Variants in SMYD3 observed in about 807,000 individuals in gnomAD.
SMYD3 encodes histone-lysine N-methyltransferase SMYD3.
SMYD3 carries 36 observed loss-of-function variants against 57.7 expected under a neutral mutation model. The ratio of observed to expected loss-of-function variants is 0.62; its 90% CI spans 0.48 to 0.82. The LOEUF (loss-of-function observed/expected upper bound fraction) is 0.82, where lower values mean the gene tolerates loss of function less well. Among genes scored for constraint, SMYD3 ranks in the 40% least tolerant of loss-of-function variants. SMYD3 has a pLI of 0.00. For synonymous variants in SMYD3, 211 were observed against 195.0 expected (o/e 1.08, Z -0.68); for missense variants, 515 against 538.8 (o/e 0.96, Z 0.44).
chr1:245,970,617 AC>A (rs1370433287), intron 5 of SMYD3, among the ~76,000 whole-genome samples: 12 of 152,194 alleles, frequency 7.9e-5, no homozygotes, highest in Admixed American at 3.3e-4. Flanking sequence ...AAGAAAAAAA[AC>A]AACCCCATCA....
chr1:246,326,542 G>A (rs2065353863), intron 5 of SMYD3: 1 of 507,936 alleles, frequency 2.0e-6, no homozygotes, highest in South Asian at 3.2e-5. Context: ...GGGAGGCCGA[G>A]GCGGGTGGAT....
chr1:246,456,398 C>T (rs2067700590), intron 1 of SMYD3, among the ~76,000 whole-genome samples: 1 of 152,172 alleles, frequency 6.6e-6, no homozygotes, highest in Admixed American at 6.5e-5. Flanking sequence ...CACACAAGGT[C>T]GAGACCCACT....
chr1:246,231,645 T>C (rs967421583), intron 5 of SMYD3, among the ~76,000 whole-genome samples: 1 of 152,204 alleles, frequency 6.6e-6, no homozygotes, highest in Non-Finnish European at 1.5e-5. Flanking sequence ...ATCCTAGAGA[T>C]AGTATCTCTT....
chr1:245,755,492 C>T (rs1040377479), intron 11 of SMYD3, among the ~76,000 whole-genome samples: 1 of 152,140 alleles, frequency 6.6e-6, no homozygotes, highest in Non-Finnish European at 1.5e-5. Flanking sequence ...CTGATGTTCC[C>T]AGCTGTGCTT....
At chr1:245,788,867 A>G (rs2047153421) in intron 10 of SMYD3, 1 of 152,204 alleles carries the variant, frequency 6.6e-6, no homozygotes, top group African/African-American at 2.4e-5. Flanking sequence ...TTACTCAGTT[A>G]CTTATGACTC....
chr1:245,917,423 T>C (rs1354834112), intron 7 of SMYD3, among the ~76,000 whole-genome samples: 1 of 152,220 alleles, frequency 6.6e-6, no homozygotes, highest in East Asian at 1.9e-4. Context: ...TCGTCATAGG[T>C]AGAGAAGCAA....
intron 8 of SMYD3, among the ~76,000 whole-genome samples, chr1:245,905,242 C>A (rs1448101483): frequency 6.6e-6 from 1 of 152,004 alleles, no homozygotes; most frequent in Admixed American, 6.5e-5. Context: ...GACTCAACTA[C>A]CAACATCTTA....
At chr1:246,371,586 TAC>T (rs1191238532) in intron 1 of SMYD3, among the ~76,000 whole-genome samples, 1 of 152,174 alleles carries the variant, frequency 6.6e-6, no homozygotes, top group East Asian at 1.9e-4. Context: ...TCACAGTAAA[TAC>T]ATTTTTAAAA....
In SMYD3 at chr1:246,238,976, T is replaced by G. The variant is rs1166233638; in HGVS notation, c.531+88225A>C. Reference sequence around the variant, plus strand: ...GACGAACTGTGCAAGTAGAGATGCCTGATGAGCGTCACACAACGTTTTCGG... The same window carrying G: ...GACGAACTGTGCAAGTAGAGATGCCGGATGAGCGTCACACAACGTTTTCGG... On this transcript the variant is annotated intron_variant, in intron 5 of 11. Coordinates refer to ENST00000490107, the MANE Select transcript of SMYD3 (RefSeq NM_001167740.2). Among the ~76,000 whole-genome samples, 3 of 151,216 alleles carry G rather than the reference T, an allele frequency of 2.0e-5. No individual in the cohort carries two copies. The East Asian group carries it at 5.9e-4, about 30-fold the overall frequency.
intron 5 of SMYD3, among the ~76,000 whole-genome samples, chr1:245,939,162 T>C (rs571182137): frequency 2.1e-5 from 3 of 140,952 alleles, no homozygotes; most frequent in Non-Finnish European, 4.6e-5. Flanking sequence ...AATTAAAAAA[T>C]AAAAAAATTT....
chr1:246,200,865 T>C (rs2062912531), intron 5 of SMYD3, among the ~76,000 whole-genome samples: 1 of 152,222 alleles, frequency 6.6e-6, no homozygotes, highest in Non-Finnish European at 1.5e-5. Flanking sequence ...ATATCAAACC[T>C]AGGTCTTTCT....
intron 11 of SMYD3, among the ~76,000 whole-genome samples, chr1:245,756,806 T>G (rs1482742013): frequency 6.6e-6 from 1 of 151,804 alleles, no homozygotes; most frequent in African/African-American, 2.4e-5. Flanking sequence ...GGACTTTTTT[T>G]TTTTTTGTCT....
chr1:245,840,733 T>C (rs1371543719), intron 10 of SMYD3, among the ~76,000 whole-genome samples: 4 of 151,342 alleles, frequency 2.6e-5, no homozygotes, highest in East Asian at 2.0e-4. Context: ...CTGAGAAGTA[T>C]TGAAAACAGA....
chr1:246,262,310 G>A (rs919298779), intron 5 of SMYD3, among the ~76,000 whole-genome samples: 3 of 152,156 alleles, frequency 2.0e-5, no homozygotes, highest in African/African-American at 4.8e-5. Context: ...ATAAGAATCC[G>A]ATTTTAAATC....
chr1:246,013,380 A>G (rs1000390977), intron 5 of SMYD3, among the ~76,000 whole-genome samples: 1 of 152,028 alleles, frequency 6.6e-6, no homozygotes, highest in African/African-American at 2.4e-5. Flanking sequence ...GGGCTTCACC[A>G]TGTTGTCCAG....
chr1:246,237,203 T>C (rs2063526850), intron 5 of SMYD3, among the ~76,000 whole-genome samples: 1 of 152,162 alleles, frequency 6.6e-6, no homozygotes, highest in Non-Finnish European at 1.5e-5. Context: ...TACTCCCCGA[T>C]ATAACTGGTC....
chr1:246,102,755 A>AAAAATAATAATAAT (rs200094097), intron 5 of SMYD3, among the ~76,000 whole-genome samples: 2 of 146,924 alleles, frequency 1.4e-5, no homozygotes, highest in African/African-American at 5.0e-5. Context: ...AAAAAAAAAA[A>AAAAATAATAATAAT]AATAATAATA....
chr1:246,135,142 A>G (rs1445273942), intron 5 of SMYD3, among the ~76,000 whole-genome samples: 1 of 152,102 alleles, frequency 6.6e-6, no homozygotes, highest in Non-Finnish European at 1.5e-5. Flanking sequence ...CTGTTACAAT[A>G]TGCTGAAGAG....
At chr1:245,993,454 G>A (rs180756065) in intron 5 of SMYD3, among the ~76,000 whole-genome samples, 2 of 152,160 alleles carry the variant, frequency 1.3e-5, no homozygotes, top group East Asian at 1.9e-4. Context: ...AAAAATAGGA[G>A]CCAAGCATGG....
Sources: allele counts gnomAD v4.1 joint callset (sites outside exome capture counted in the v4.1 genomes callset), GRCh38; gene constraint gnomAD v4.1.1; transcripts MANE v1.5; gene names NCBI Gene and HGNC (gene_info 2026-07-23, HGNC 2026-07-21).